Variants in INPP4A observed in about 807,000 individuals in gnomAD.
The protein encoded by INPP4A is inositol polyphosphate-4-phosphatase type I A.
Under a neutral mutation model 119.8 loss-of-function variants are expected in INPP4A, and 33 were observed. The ratio of observed to expected loss-of-function variants is 0.28; its 90% CI spans 0.21 to 0.37. The LOEUF is 0.37. INPP4A is among the 10% of genes least tolerant of loss of function. The pLI, the probability that INPP4A is intolerant of heterozygous loss-of-function variation, is 1.00. For missense variants in INPP4A, 956 were observed against 1,289.9 expected (o/e 0.74, Z 3.97); for synonymous variants, 496 against 500.7 (o/e 0.99, Z 0.12).
intron 1 of INPP4A, among the ~76,000 whole-genome samples, chr2:98,478,020 T>C (rs1677616537): frequency 6.6e-6 from 1 of 152,218 alleles, no homozygotes; most frequent in Non-Finnish European, 1.5e-5. Flanking sequence ...GCCTACAACC[T>C]ACTGTTATTG....
intron 1 of INPP4A, among the ~76,000 whole-genome samples, chr2:98,450,370 A>G (rs1695016208): frequency 6.6e-6 from 1 of 152,230 alleles, no homozygotes. Context: ...CAGTATCAAC[A>G]ATTTCTGTTT....
intron 1 of INPP4A, among the ~76,000 whole-genome samples, chr2:98,451,012 C>T (rs564085567): frequency 2.7e-4 from 41 of 152,306 alleles, no homozygotes; most frequent in Non-Finnish European, 4.7e-4. Context: ...CTCAGGTGAT[C>T]CACCCACCTC....
intron 1 of INPP4A, among the ~76,000 whole-genome samples, chr2:98,507,533 A>G (rs1423262536): frequency 2.0e-5 from 3 of 152,100 alleles, no homozygotes; most frequent in African/African-American, 7.2e-5. Context: ...CTCCCACCCA[A>G]GCTCATGGGT....
At chr2:98,519,856 G>A (rs192934197) in intron 2 of INPP4A, 90 bp from the exon 3 acceptor site, 18 of 576,856 alleles carry the variant, frequency 3.1e-5, no homozygotes, top group Non-Finnish European at 4.5e-5. Context: ...ACTGTACCTC[G>A]CCCCCGGTAG....
At chr2:98,584,700 G>A (rs1011608031) in intron 24 of INPP4A, among the ~76,000 whole-genome samples, 2 of 152,238 alleles carry the variant, frequency 1.3e-5, no homozygotes, top group East Asian at 3.8e-4. Context: ...TCAGTATGCC[G>A]CCTGTGCACT....
chr2:98,501,689 C>T (rs936668229), intron 1 of INPP4A, among the ~76,000 whole-genome samples: 1 of 152,162 alleles, frequency 6.6e-6, no homozygotes, highest in Non-Finnish European at 1.5e-5. Flanking sequence ...GAATCATAGA[C>T]TGGGGGAGGG....
intron 24 of INPP4A, among the ~76,000 whole-genome samples, chr2:98,578,227 A>G (rs1225347767): frequency 6.6e-6 from 1 of 152,206 alleles, no homozygotes; most frequent in African/African-American, 2.4e-5. Flanking sequence ...TCTGCTCCCC[A>G]GGAGCCTTGG....
intron 1 of INPP4A, among the ~76,000 whole-genome samples, chr2:98,477,233 G>A (rs953226119): frequency 2.0e-5 from 3 of 152,224 alleles, no homozygotes; most frequent in East Asian, 3.8e-4. Context: ...GTTGGAGCCC[G>A]GATGGTCTGG....
At chr2:98,496,726 A>G (rs533416638) in intron 1 of INPP4A, among the ~76,000 whole-genome samples, 94 of 152,392 alleles carry the variant, frequency 6.2e-4, no homozygotes, top group African/African-American at 2.0e-3. Context: ...ACATTTCCCA[A>G]AAGAAGACAT....
chr2:98,515,489 C>T (rs1685936120), intron 1 of INPP4A, among the ~76,000 whole-genome samples: 1 of 152,102 alleles, frequency 6.6e-6, no homozygotes, highest in South Asian at 2.1e-4. Flanking sequence ...GAGAGGGGCC[C>T]CCATTGCACT....
At chr2:98,498,269 C>G (rs948913160) in intron 1 of INPP4A, among the ~76,000 whole-genome samples, 5 of 152,002 alleles carry the variant, frequency 3.3e-5, no homozygotes, top group African/African-American at 1.2e-4. Flanking sequence ...TTCTCCCATA[C>G]TGTTCTCATG....
chr2:98,553,004 A>G (rs1483081754), intron 14 of INPP4A, 35 bp downstream of exon 14: 10 of 1,554,688 alleles, frequency 6.4e-6, no homozygotes, highest in Non-Finnish European at 7.9e-6. Flanking sequence ...TGGGCTGGGG[A>G]GTTTCCTTGG....
At chr2:98,522,931 A>T (rs1228670546) in intron 4 of INPP4A, among the ~76,000 whole-genome samples, 1 of 152,238 alleles carries the variant, frequency 6.6e-6, no homozygotes, top group African/African-American at 2.4e-5. Flanking sequence ...GAGTGTAGGA[A>T]GAAACTTGTT....
chr2:98,586,631 G>C lies in INPP4A; in HGVS notation c.2787-845G>C, dbSNP rs1382690560. Among the ~76,000 whole-genome samples, 4 of 152,180 alleles carry C rather than the reference G, an allele frequency of 2.6e-5. No individual in the cohort carries two copies. The East Asian group carries it at 7.7e-4, about 29-fold the overall frequency. Reference sequence around the variant, plus strand: ...CTCACTGAGTAGGTGAGGCCCCCTGGCTGCTCATCCTCCCATGCAGTGTTT... The same window carrying C: ...CTCACTGAGTAGGTGAGGCCCCCTGCCTGCTCATCCTCCCATGCAGTGTTT... On this transcript the variant is annotated intron_variant, in intron 24 of 24. Transcript: ENST00000409851.
intron 1 of INPP4A, among the ~76,000 whole-genome samples, chr2:98,511,814 C>G (rs968646125): frequency 6.6e-6 from 1 of 152,184 alleles, no homozygotes; most frequent in East Asian, 1.9e-4. Flanking sequence ...GGGCTCCCCT[C>G]CCCCATGCCA....
chr2:98,559,383 T>C (rs935300666), intron 16 of INPP4A, 80 bp from the exon 17 acceptor site: 18 of 1,523,950 alleles, frequency 1.2e-5, no homozygotes, highest in Non-Finnish European at 1.5e-5. Flanking sequence ...CTGACGCAGC[T>C]GCTGCTCTGA....
intron 1 of INPP4A, among the ~76,000 whole-genome samples, chr2:98,464,278 C>T (rs1280483894): frequency 3.3e-5 from 5 of 152,034 alleles, no homozygotes; most frequent in South Asian, 2.1e-4. Flanking sequence ...GCCACATCCT[C>T]GCAGCAACCC....
At chr2:98,568,957 C>G (rs1010162013) in intron 22 of INPP4A, 4 of 325,738 alleles carry the variant, frequency 1.2e-5, no homozygotes, top group Non-Finnish European at 2.3e-5. Context: ...GCATTGTGCA[C>G]CTCCTGGTAG....
At chr2:98,563,761 G>C in intron 18 of INPP4A, 124 bp downstream of exon 18, 1 of 925,058 alleles carries the variant, frequency 1.1e-6, no homozygotes, top group Non-Finnish European at 1.6e-6. Flanking sequence ...TTTCCTCCTG[G>C]TGGTGCTTTA....
Sources: gnomAD v4.1 joint callset for allele counts (sites outside exome capture counted in the v4.1 genomes callset) on GRCh38, gnomAD v4.1.1 for gene constraint, MANE v1.5 for transcripts, NCBI Gene and HGNC (gene_info 2026-07-23, HGNC 2026-07-21) for gene names.